NCKAP5: variants seen among roughly 807,000 people sequenced by gnomAD.
The protein encoded by NCKAP5 is NCK associated protein 5, also known as nck-associated protein 5.
Under a neutral mutation model 167.0 loss-of-function variants are expected in NCKAP5, and 92 were observed. That is an observed-to-expected ratio of 0.55 (90% CI 0.47 to 0.66). The LOEUF (loss-of-function observed/expected upper bound fraction) is 0.66, where lower values mean the gene tolerates loss of function less well. Among genes scored for constraint, NCKAP5 ranks in the 30% least tolerant of loss-of-function variants. The pLI, the probability that NCKAP5 is intolerant of heterozygous loss-of-function variation, is 0.00. For synonymous variants in NCKAP5, 891 were observed against 877.4 expected (o/e 1.02, Z -0.27); for missense variants, 2,378 against 2,315.0 (o/e 1.03, Z -0.56).
intron 3 of NCKAP5, among the ~76,000 whole-genome samples, chr2:133,512,812 C>G (rs1656257019): frequency 6.6e-6 from 1 of 152,122 alleles, no homozygotes; most frequent in Admixed American, 6.5e-5. Flanking sequence ...TCTGCAGTTA[C>G]CAAATTCCCT....
intron 6 of NCKAP5, among the ~76,000 whole-genome samples, chr2:133,113,177 C>T (rs1440359230): frequency 1.3e-5 from 2 of 151,944 alleles, no homozygotes; most frequent in Non-Finnish European, 2.9e-5. Flanking sequence ...CCTCTCTTCC[C>T]CTAAGGATAG....
chr2:133,151,383 C>G (rs951495251), intron 5 of NCKAP5, among the ~76,000 whole-genome samples: 1 of 151,988 alleles, frequency 6.6e-6, no homozygotes, highest in Admixed American at 6.6e-5. Flanking sequence ...TGGAAAAAAT[C>G]TTTGCATAAG....
chr2:132,937,601 T>A (rs183410471), intron 8 of NCKAP5, among the ~76,000 whole-genome samples: 25 of 152,330 alleles, frequency 1.6e-4, no homozygotes, highest in Admixed American at 3.9e-4. Flanking sequence ...TGATGACCCC[T>A]GGGGACACCA....
intron 3 of NCKAP5, among the ~76,000 whole-genome samples, chr2:133,433,322 C>A (rs1690276682): frequency 1.3e-5 from 2 of 152,128 alleles, no homozygotes; most frequent in Admixed American, 1.3e-4. Flanking sequence ...CTTGGAGAAA[C>A]TTTGACACTA....
intron 5 of NCKAP5, among the ~76,000 whole-genome samples, chr2:133,179,125 T>C (rs2084619772): frequency 1.3e-5 from 2 of 152,062 alleles, no homozygotes; most frequent in South Asian, 4.1e-4. Flanking sequence ...ACAGACCCTG[T>C]CTTTAAAACA....
chr2:133,488,495 C>A (rs1472603406), intron 3 of NCKAP5, among the ~76,000 whole-genome samples: 1 of 152,082 alleles, frequency 6.6e-6, no homozygotes, highest in Non-Finnish European at 1.5e-5. Context: ...CTCCCTAGGG[C>A]AACAAACGCA....
At chr2:133,200,881 C>T (rs766434872) in intron 5 of NCKAP5, among the ~76,000 whole-genome samples, 2 of 152,076 alleles carry the variant, frequency 1.3e-5, no homozygotes, top group African/African-American at 2.4e-5. Flanking sequence ...TTTTTAAAAA[C>T]CAAGCTATAG....
At chr2:132,787,343 G>A (rs1217048313) in intron 13 of NCKAP5, among the ~76,000 whole-genome samples, 5 of 106,996 alleles carry the variant, frequency 4.7e-5, no homozygotes, top group Non-Finnish European at 7.3e-5. Context: ...GCGAGACTCC[G>A]TTTCAAAAAA....
chr2:133,566,710 C>T (rs1462463709), intron 1 of NCKAP5, among the ~76,000 whole-genome samples: 1 of 152,224 alleles, frequency 6.6e-6, no homozygotes, highest in Non-Finnish European at 1.5e-5. Context: ...CACCATCTTA[C>T]TGGGTGCTCT....
intron 5 of NCKAP5, among the ~76,000 whole-genome samples, chr2:133,133,446 A>G (rs924837034): frequency 1.9e-4 from 29 of 152,184 alleles, no homozygotes; most frequent in African/African-American, 6.0e-4. Context: ...GGCTTCTCTT[A>G]GCAAAGATCT....
At chr2:132,925,486 T>C (rs764971880) in intron 8 of NCKAP5, among the ~76,000 whole-genome samples, 28 of 140,964 alleles carry the variant, frequency 2.0e-4, no homozygotes, top group Admixed American at 5.4e-4. Context: ...GGCGTGAACC[T>C]GGGAGGCGGA....
At chr2:133,175,285 T>C (rs1285879287) in intron 5 of NCKAP5, among the ~76,000 whole-genome samples, 3 of 152,232 alleles carry the variant, frequency 2.0e-5, no homozygotes, top group African/African-American at 7.2e-5. Context: ...ATGTTGCAAA[T>C]ACACATTTTT....
chr2:133,632,422 G>A, the NCKAP5 span, among the ~76,000 whole-genome samples: 1 of 152,184 alleles, frequency 6.6e-6, no homozygotes, highest in African/African-American at 2.4e-5. Context: ...ATTAATGCAG[G>A]GGGAAAAAAA....
At chr2:132,842,351 A>G (rs1399971077) in intron 11 of NCKAP5, among the ~76,000 whole-genome samples, 1 of 151,960 alleles carries the variant, frequency 6.6e-6, no homozygotes, top group African/African-American at 2.4e-5. Context: ...TTTTATTGGT[A>G]TTTTAATAAA....
At chr2:132,806,144 T>C (rs1190339780) in intron 11 of NCKAP5, among the ~76,000 whole-genome samples, 4 of 152,194 alleles carry the variant, frequency 2.6e-5, no homozygotes, top group Non-Finnish European at 5.9e-5. Context: ...CCATTGTGTA[T>C]ATATACCACA....
At chr2:133,539,685 A>C (rs1686063180) in intron 2 of NCKAP5, among the ~76,000 whole-genome samples, 1 of 152,174 alleles carries the variant, frequency 6.6e-6, no homozygotes. Flanking sequence ...AGACAATCAA[A>C]GGGATAATTA....
At chr2:132,788,761 A>G (rs1405261552) in intron 13 of NCKAP5, among the ~76,000 whole-genome samples, 1 of 152,338 alleles carries the variant, frequency 6.6e-6, no homozygotes, top group Non-Finnish European at 1.5e-5. Flanking sequence ...AGCACAATCA[A>G]TAATATATTA....
At chr2:132,770,409 A>T (rs1246039783) in intron 16 of NCKAP5, among the ~76,000 whole-genome samples, 1 of 148,056 alleles carries the variant, frequency 6.8e-6, no homozygotes, top group Non-Finnish European at 1.5e-5. Flanking sequence ...ATATTATAAC[A>T]TATATAATAA....
At chr2:133,279,706 C>A (rs1229926118) in intron 4 of NCKAP5, among the ~76,000 whole-genome samples, 1 of 152,216 alleles carries the variant, frequency 6.6e-6, no homozygotes, top group African/African-American at 2.4e-5. Context: ...TCAGCCACAA[C>A]TGAGCACACC....
Sources: allele counts gnomAD v4.1 joint callset (sites outside exome capture counted in the v4.1 genomes callset), GRCh38; gene constraint gnomAD v4.1.1; transcripts MANE v1.5; gene names NCBI Gene and HGNC (gene_info 2026-07-23, HGNC 2026-07-21).